DNAJA3: variants seen among roughly 807,000 people sequenced by gnomAD.
The protein encoded by DNAJA3 is DnaJ heat shock protein family (Hsp40) member A3, also known as dnaJ homolog subfamily A member 3, mitochondrial.
A neutral mutation model predicts 54.9 loss-of-function variants in DNAJA3; 29 were observed. The observed-to-expected ratio is 0.53, with a 90% CI of 0.39 to 0.72. DNAJA3 has a LOEUF of 0.72. DNAJA3 is among the 30% of genes least tolerant of loss of function. The pLI, the probability that DNAJA3 is intolerant of heterozygous loss-of-function variation, is 0.00. For synonymous variants in DNAJA3, 302 were observed against 251.4 expected, an observed-to-expected ratio of 1.20 and a Z score of -1.90; for missense variants, 708 against 639.4, an observed-to-expected ratio of 1.11 and a Z score of -1.16.
chr16:4,448,448 A>T (rs542676990), intron 8 of DNAJA3, among the ~76,000 whole-genome samples: 6 of 151,822 alleles, frequency 4.0e-5, no homozygotes, highest in Non-Finnish European at 8.8e-5. Flanking sequence ...GGTTCAAGCA[A>T]TTCTCCTACC....
chr16:4,451,393 G>C (rs2056976048), intron 10 of DNAJA3, among the ~76,000 whole-genome samples: 2 of 152,074 alleles, frequency 1.3e-5, no homozygotes. Context: ...AGGGGCAGGG[G>C]CTGGGATGGA....
chr16:4,453,727 C>T (rs1014150776), intron 10 of DNAJA3, among the ~76,000 whole-genome samples: 35 of 152,134 alleles, frequency 2.3e-4, no homozygotes, highest in Non-Finnish European at 4.0e-4. Flanking sequence ...CCACTGTGCC[C>T]GGCCTTTTCT....
rs1301262969 is a variant in DNAJA3 at position 4,444,728 on chromosome 16, G to C, written c.996G>C (p.Arg332Ser). 6.2e-7 allele frequency: 1 copy of C among 1,613,856 alleles called. No individual in the cohort carries two copies. Among genetic ancestry groups the C allele is most frequent in the Non-Finnish European group, 8.5e-7 (1 of 1,179,942 alleles). ...VGKREIFITF[R>S]VQKSPVFRRD... ...AAAGGGAAATTTTCATTACGTTCAG[G>C]GTAGGTGCCCTGCCCCGCACAGCTT... The change falls in exon 7 of 12, where the codon AGG (arginine) becomes AGC (serine). Residue 332 changes from arginine to serine, a missense_variant and splice_region_variant. By Grantham distance (110) the Arg-to-Ser change is moderately radical. Coordinates refer to ENST00000262375, the MANE Select transcript of DNAJA3 (RefSeq NM_005147.6).
intron 1 of DNAJA3, among the ~76,000 whole-genome samples, chr16:4,429,719 G>A (rs760092465): frequency 9.2e-5 from 14 of 152,044 alleles, no homozygotes; most frequent in Non-Finnish European, 1.8e-4. Context: ...CTGTAAACCC[G>A]GGTACTCGGG....
At chr16:4,448,278 G>GC (rs1263534606) in intron 8 of DNAJA3, among the ~76,000 whole-genome samples, 1 of 146,116 alleles carries the variant, frequency 6.8e-6, no homozygotes, top group Non-Finnish European at 1.5e-5. Flanking sequence ...GCCTGCCTCA[G>GC]CCCCCCAAAG....
At chr16:4,431,387 C>T (rs1476165339) in intron 1 of DNAJA3, among the ~76,000 whole-genome samples, 4 of 152,218 alleles carry the variant, frequency 2.6e-5, no homozygotes, top group Non-Finnish European at 5.9e-5. Context: ...CTTTTTGTAT[C>T]CCGAGGATAT....
chr16:4,429,444 G>A (rs909477122), intron 1 of DNAJA3, among the ~76,000 whole-genome samples: 1 of 149,710 alleles, frequency 6.7e-6, no homozygotes, highest in African/African-American at 2.5e-5. Flanking sequence ...GGATGGTCTC[G>A]ATCTCTTTAC....
At chr16:4,434,126 GA>G in intron 1 of DNAJA3, 1 of 431,614 alleles carries the variant, frequency 2.3e-6, no homozygotes, top group Non-Finnish European at 4.1e-6. Flanking sequence ...AAAACTATCA[GA>G]TCTCATGAGA....
At chr16:4,446,770 T>G in intron 7 of DNAJA3, 116 bp from the exon 8 acceptor site, 1 of 1,262,120 alleles carries the variant, frequency 7.9e-7, no homozygotes, top group Non-Finnish European at 1.1e-6. Context: ...CTGCACTTTA[T>G]GTATGGAAGG....
rs559978775 is a variant in DNAJA3, at chr16:4,442,503, C to T, written c.783+83C>T. On this transcript the variant is annotated intron_variant, in intron 5 of 11. Coordinates refer to ENST00000262375, the MANE Select transcript of DNAJA3 (RefSeq NM_005147.6). ...TGGTTGTGGCACTGCTCCCAGAGAACGTATGCTGGGAATTGGGGGAGTTGG... is the reference window on the plus strand; with the variant it reads ...TGGTTGTGGCACTGCTCCCAGAGAATGTATGCTGGGAATTGGGGGAGTTGG... 1.1e-4 allele frequency: 150 copies of T among 1,426,734 alleles called. No homozygotes were observed. In the South Asian group the frequency reaches 1.1e-3, roughly 10 times the overall value. 88.4% of individuals were successfully genotyped at this position (1,426,734 alleles called of 1,614,324 possible).
At chr16:4,438,584 C>G (rs1408252120) in intron 3 of DNAJA3, among the ~76,000 whole-genome samples, 4 of 151,748 alleles carry the variant, frequency 2.6e-5, no homozygotes, top group African/African-American at 9.7e-5. Context: ...GACCCCACTT[C>G]CATAGTTTTC....
intron 3 of DNAJA3, among the ~76,000 whole-genome samples, chr16:4,438,894 C>G (rs970969526): frequency 5.3e-5 from 8 of 151,964 alleles, no homozygotes; most frequent in African/African-American, 1.9e-4. Context: ...AAATATCTGT[C>G]AACTAGATCT....
In DNAJA3 at chr16:4,446,867, C is replaced by CT. The variant is rs767982914; in HGVS notation, c.997-18dup. 2.5e-6 allele frequency: 4 copies of CT among 1,613,166 alleles called. No homozygotes were observed. Among genetic ancestry groups the CT allele is most frequent in the Non-Finnish European group, 3.4e-6 (4 of 1,179,592 alleles). ...GCAGTGGACTTATCTTCACATGCAT[C>CT]TGTCATGTTTGGCCTTAGGTGCAGA... On this transcript the variant is annotated intron_variant, in intron 7 of 11. Transcript: ENST00000262375.
chr16:4,447,638 G>A (rs1180534094), intron 8 of DNAJA3: 1 of 152,624 alleles, frequency 6.6e-6, no homozygotes, highest in African/African-American at 2.4e-5. Flanking sequence ...AGCGACCTCA[G>A]CCACGCACCC....
In DNAJA3 at chr16:4,442,690, G is replaced by C. The variant is rs946402506; in HGVS notation, c.783+270G>C. Reference sequence around the variant, plus strand: ...TTTCTTCTTTATTTTTCTAACAATTGCTTTGGTAATTCAAGGGGAAATAAT... The same window carrying C: ...TTTCTTCTTTATTTTTCTAACAATTCCTTTGGTAATTCAAGGGGAAATAAT... On this transcript the variant is annotated intron_variant, in intron 5 of 11. Transcript: ENST00000262375. The C allele has an allele frequency of 5.4e-5, 28 of 521,504 alleles. No individual in the cohort carries two copies. In the East Asian group the frequency reaches 8.7e-4, roughly 16 times the overall value. The allele number at this position is 521,504 out of a possible 1,614,324, so 32.3% of individuals were successfully genotyped here. A position where few individuals can be genotyped will look rare whatever the true frequency, so the allele number is the denominator to read the frequency against.
Position 4,437,564 on chromosome 16 carries a change from G to C in DNAJA3, c.429+79G>C, listed in dbSNP as rs1291357597. 3 of 1,182,186 alleles carry C rather than the reference G, an allele frequency of 2.5e-6. No individual in the cohort carries two copies. The Admixed American group carries it at 5.6e-5, about 22-fold the overall frequency. 73.2% of individuals were successfully genotyped at this position (1,182,186 alleles called of 1,614,324 possible). On this transcript the variant is annotated intron_variant, in intron 3 of 11. Transcript: ENST00000262375. ...AAAGGTTGCATTGCTACCTGGGACA[G>C]CCTGGTGTGTCATACAGTCCAGTGT...
intron 3 of DNAJA3, among the ~76,000 whole-genome samples, chr16:4,438,479 G>A (rs2056799581): frequency 6.6e-6 from 1 of 152,082 alleles, no homozygotes; most frequent in Non-Finnish European, 1.5e-5. Context: ...GCTTTTTGGG[G>A]ATAGAGGTTA....
intron 7 of DNAJA3, 63 bp from the exon 8 acceptor site, chr16:4,446,823 T>C (rs1202841820): frequency 6.3e-7 from 1 of 1,594,660 alleles, no homozygotes. Flanking sequence ...TGGCCAGGCA[T>C]GCAGCTGGTG....
At position 4,434,240 on chromosome 16, in the gene DNAJA3, C is replaced by G. The variant is rs541224147; in HGVS notation, c.212-144C>G. 3.1e-5 allele frequency: 27 copies of G among 864,918 alleles called. No homozygotes were observed. The South Asian group carries it at 4.1e-4, about 13-fold the overall frequency. 53.6% of individuals were successfully genotyped at this position (864,918 alleles called of 1,614,324 possible). A position where few individuals can be genotyped will look rare whatever the true frequency, so the allele number is the denominator to read the frequency against. On this transcript the variant is annotated intron_variant, in intron 1 of 11. Transcript: ENST00000262375. The stretch of plus-strand genomic sequence containing the variant: ...CGTGGGGATTATGGGAACTAAAATT[C>G]TAGTTGAGATCTGGGTGGGGACACA...
Sources: allele counts gnomAD v4.1 joint callset (sites outside exome capture counted in the v4.1 genomes callset), GRCh38; gene constraint gnomAD v4.1.1; transcripts MANE v1.5; gene names NCBI Gene and HGNC (gene_info 2026-07-23, HGNC 2026-07-21).